The following RIMS1 variants were observed in gnomAD, a reference collection of about 807,000 sequenced individuals.
The protein encoded by RIMS1 is regulating synaptic membrane exocytosis 1, also known as regulating synaptic membrane exocytosis protein 1.
RIMS1 carries 83 observed loss-of-function variants against 214.1 expected under a neutral mutation model. The observed-to-expected ratio is 0.39, with a 90% confidence interval of 0.32 to 0.47. The LOEUF (loss-of-function observed/expected upper bound fraction) is 0.47, where lower values mean the gene tolerates loss of function less well. RIMS1 is among the 20% of genes least tolerant of loss of function. The pLI is 0.99. For missense variants in RIMS1, 2,050 were observed against 2,161.8 expected (o/e 0.95, Z 1.03); for synonymous variants, 793 against 786.8 (o/e 1.01, Z -0.13).
intron 1 of RIMS1, among the ~76,000 whole-genome samples, chr6:71,895,347 G>T (rs1359862554): frequency 6.6e-6 from 1 of 152,106 alleles, no homozygotes; most frequent in Non-Finnish European, 1.5e-5. Context: ...TATTGTTTTT[G>T]TTGTTTAAAC....
At chr6:72,040,734 A>T (rs191803292) in intron 2 of RIMS1, among the ~76,000 whole-genome samples, 98 of 152,056 alleles carry the variant, frequency 6.4e-4, no homozygotes, top group Non-Finnish European at 9.9e-4. Context: ...AAATAAATCT[A>T]AAAAATAGTA....
intron 22 of RIMS1, among the ~76,000 whole-genome samples, chr6:72,268,367 A>G (rs2081530015): frequency 6.6e-6 from 1 of 152,238 alleles, no homozygotes; most frequent in Non-Finnish European, 1.5e-5. Flanking sequence ...TACATAGTAG[A>G]TAAAATGTTA....
At position 72,290,722 on chromosome 6, in the gene RIMS1, AGAGCAAC is replaced by A; in HGVS notation, c.3599_3605del (p.Arg1200MetfsTer43). 1 of 1,613,848 alleles carries A rather than the reference AGAGCAAC, an allele frequency of 6.2e-7. No individual in the cohort carries two copies. The highest frequency in any genetic ancestry group is 2.2e-5 in the East Asian group (1 of 44,878). On this transcript the variant is annotated frameshift_variant, in exon 25 of 34. Coordinates refer to ENST00000521978, the MANE Select transcript of RIMS1 (RefSeq NM_014989.7). ...TTCTAGAAGGGGACACGCAGCCCCA[AGAGCAAC>A]TGATCAGCCAGTCATTAGGGGAAAA...
intron 22 of RIMS1, among the ~76,000 whole-genome samples, chr6:72,266,735 A>G (rs956350721): frequency 1.3e-5 from 2 of 152,132 alleles, no homozygotes; most frequent in Non-Finnish European, 2.9e-5. Context: ...GTAAGCATCT[A>G]ATTTTTCCAC....
At chr6:72,393,730 GAAA>G (rs1035381482) in intron 31 of RIMS1, among the ~76,000 whole-genome samples, 1 of 140,586 alleles carries the variant, frequency 7.1e-6, no homozygotes, top group Non-Finnish European at 1.6e-5. Flanking sequence ...CCGTCTCCAA[GAAA>G]AAAAAAAAAA....
chr6:71,973,703 C>T (rs935874472), intron 2 of RIMS1, among the ~76,000 whole-genome samples: 4 of 152,064 alleles, frequency 2.6e-5, no homozygotes, highest in Non-Finnish European at 4.4e-5. Context: ...GAGGAGGCAA[C>T]ACAATAAAAC....
At chr6:72,398,423 T>A in intron 32 of RIMS1, 73 bp downstream of exon 32, 1 of 822,680 alleles carries the variant, frequency 1.2e-6, no homozygotes, top group Non-Finnish European at 1.9e-6. Flanking sequence ...TTTGCTGCAT[T>A]TGAATTTCAT....
At position 72,182,577 on chromosome 6, in the gene RIMS1, C is replaced by T. The variant is rs199847427; in HGVS notation, c.1106C>T (p.Pro369Leu). ...CTAGCTCGGTACCCGGTGAAACCGC[C>T]GCCTGAGGAGCAGCAGATGCGCATG... The part of the protein sequence containing the change: ...PNLARYPVKP[P>L]PEEQQMRMHA... The change falls in exon 6 of 34, where the codon CCG (proline) becomes CTG (leucine). Residue 369 changes from proline (P) to leucine (L), a missense_variant. By Grantham distance (98) the Pro-to-Leu change is moderately conservative. This residue lies in a region of RIMS1 where 882 missense variants were observed against 828.9 expected (regional missense o/e 1.06). Transcript: ENST00000521978. The T allele has an allele frequency of 3.9e-6, 6 of 1,549,540 alleles. No homozygotes were observed. In the African/African-American group the frequency reaches 6.8e-5, roughly 18 times the overall value.
chr6:72,191,340 A>G (rs1489331623), intron 6 of RIMS1, among the ~76,000 whole-genome samples: 2 of 152,178 alleles, frequency 1.3e-5, no homozygotes, highest in African/African-American at 2.4e-5. Context: ...CAAGCCCCAC[A>G]CCACAGGACC....
intron 29 of RIMS1, among the ~76,000 whole-genome samples, chr6:72,372,074 T>G (rs2098237593): frequency 6.6e-6 from 1 of 152,154 alleles, no homozygotes; most frequent in Non-Finnish European, 1.5e-5. Context: ...AACAAGAATC[T>G]AAAATACCTG....
intron 22 of RIMS1, among the ~76,000 whole-genome samples, chr6:72,267,591 A>G (rs1439854751): frequency 6.6e-6 from 1 of 152,180 alleles, no homozygotes; most frequent in East Asian, 1.9e-4. Context: ...TAGATACTAA[A>G]GATAGTTTGT....
At chr6:71,984,846 G>A (rs758279014) in intron 2 of RIMS1, among the ~76,000 whole-genome samples, 2 of 150,678 alleles carry the variant, frequency 1.3e-5, no homozygotes, top group Non-Finnish European at 1.5e-5. Context: ...CATCATTATT[G>A]CCTATCCATC....
intron 26 of RIMS1, among the ~76,000 whole-genome samples, chr6:72,297,971 T>A (rs147029427): frequency 9.3e-4 from 142 of 152,120 alleles, no homozygotes; most frequent in African/African-American, 3.2e-3. Flanking sequence ...ACATCCCGGA[T>A]AAATGAAGAC....
At chr6:72,012,480 A>T (rs939295927) in intron 2 of RIMS1, among the ~76,000 whole-genome samples, 12 of 151,710 alleles carry the variant, frequency 7.9e-5, no homozygotes, top group African/African-American at 2.2e-4. Context: ...AAAGTATAAT[A>T]AAAAAAACTG....
chr6:71,904,464 G>C (rs1774675555), intron 1 of RIMS1, among the ~76,000 whole-genome samples: 1 of 152,092 alleles, frequency 6.6e-6, no homozygotes. Context: ...CTGGGGAAGA[G>C]GATCTAGCCT....
chr6:72,006,850 C>A (rs1322322515), intron 2 of RIMS1, among the ~76,000 whole-genome samples: 1 of 152,152 alleles, frequency 6.6e-6, no homozygotes, highest in Non-Finnish European at 1.5e-5. Flanking sequence ...GTGGAGCCCA[C>A]CACAGATGAA....
At chr6:71,959,883 G>T (rs748627262) in intron 1 of RIMS1, among the ~76,000 whole-genome samples, 18 of 152,136 alleles carry the variant, frequency 1.2e-4, no homozygotes, top group South Asian at 4.1e-4. Flanking sequence ...TGTAATTTGG[G>T]TGACATTATC....
At chr6:72,122,483 G>A (rs1166725975) in intron 4 of RIMS1, among the ~76,000 whole-genome samples, 2 of 151,724 alleles carry the variant, frequency 1.3e-5, no homozygotes, top group Non-Finnish European at 2.9e-5. Context: ...TGGGATTACA[G>A]GCATGAGCCA....
At chr6:72,316,580 C>T in intron 28 of RIMS1, 1 of 409,056 alleles carries the variant, frequency 2.4e-6, no homozygotes, top group Non-Finnish European at 4.7e-6. Context: ...GAGGAGGAGC[C>T]CCTGCCTTAG....
Sources: gnomAD v4.1 joint callset for allele counts (sites outside exome capture counted in the v4.1 genomes callset) on GRCh38, gnomAD v4.1.1 for gene constraint, gnomAD v4.1.1 regional missense constraint, MANE v1.5 for transcripts, NCBI Gene and HGNC (gene_info 2026-07-23, HGNC 2026-07-21) for gene names.